Variants in ITCH observed in about 807,000 individuals in gnomAD.
ITCH encodes E3 ubiquitin-protein ligase Itchy homolog.
Under a neutral mutation model 126.8 loss-of-function variants are expected in ITCH, and 28 were observed. That is an observed-to-expected ratio of 0.22 (90% CI 0.16 to 0.30). ITCH has a LOEUF of 0.30. Among genes scored for constraint, ITCH ranks in the 10% least tolerant of loss-of-function variants. The pLI is 1.00. For missense variants in ITCH, 631 were observed against 1,032.4 expected (o/e 0.61, Z 5.33); for synonymous variants, 342 against 340.0 (o/e 1.01, Z -0.06).
intron 23 of ITCH, among the ~76,000 whole-genome samples, chr20:34,495,921 T>TAAAAA (rs35357680): frequency 2.0e-5 from 1 of 49,960 alleles, no homozygotes; most frequent in African/African-American, 7.2e-5. Flanking sequence ...CTGAAAATAC[T>TAAAAA]AAAAAAAAAA....
intron 7 of ITCH, among the ~76,000 whole-genome samples, chr20:34,429,381 TAAATA>T (rs1317959218): frequency 2.6e-5 from 4 of 152,282 alleles, no homozygotes; most frequent in South Asian, 4.1e-4. Flanking sequence ...CTTATTAAAA[TAAATA>T]AAATAAACCG....
chr20:34,445,368 A>T lies in ITCH; in HGVS notation c.1047A>T (p.Thr349=). ...GAACAACAACGTGGCAGAGGCCAAC[A>T]CTGGAATCCGTCCGGAACTATGAAC... ...FTRTTTWQRP[T]LESVRNYEQW... is the part of the protein sequence containing the mutation. Residue 349 remains threonine (T), a synonymous_variant, in exon 11 of 25, where the codon ACA becomes ACT. Transcript: ENST00000374864. 6.2e-7 allele frequency: 1 copy of T among 1,613,926 alleles called. No individual in the cohort carries two copies. Among genetic ancestry groups the T allele is most frequent in the Non-Finnish European group, 8.5e-7 (1 of 1,180,032 alleles).
intron 1 of ITCH, among the ~76,000 whole-genome samples, chr20:34,364,234 A>G (rs2037320419): frequency 6.6e-6 from 1 of 152,112 alleles, no homozygotes; most frequent in South Asian, 2.1e-4. Flanking sequence ...TATCCCCAAT[A>G]ACAACGCAAC....
chr20:34,452,620 C>T (rs1348476996), intron 12 of ITCH, among the ~76,000 whole-genome samples: 4 of 152,194 alleles, frequency 2.6e-5, no homozygotes, highest in Admixed American at 2.0e-4. Context: ...TGCACCCTTT[C>T]AGACTTTTAT....
At chr20:34,392,684 A>G (rs1006797636) in intron 2 of ITCH, among the ~76,000 whole-genome samples, 3 of 152,162 alleles carry the variant, frequency 2.0e-5, no homozygotes, top group Non-Finnish European at 4.4e-5. Flanking sequence ...TGCCAAGTAC[A>G]TTTAGTTTGA....
In ITCH at chr20:34,507,716, A is replaced by C. The variant is rs145318917; in HGVS notation, c.2511A>C (p.Pro837=). The part of the protein sequence containing the change: ...SHTCFNRLDL[P]PYKSYEQLKE... Reference sequence around the variant, plus strand: ...TTAGTTTTAATCGCCTGGACCTGCCACCATACAAGAGCTATGAGCAACTGA... The same window carrying C: ...TTAGTTTTAATCGCCTGGACCTGCCCCCATACAAGAGCTATGAGCAACTGA... The change falls in exon 25 of 25, where the codon CCA becomes CCC. Residue 837 remains proline, a synonymous_variant. Coordinates refer to ENST00000374864, the MANE Select transcript of ITCH (RefSeq NM_031483.7). 4 of 1,613,712 alleles carry C rather than the reference A, an allele frequency of 2.5e-6. No individual in the cohort carries two copies. The highest frequency in any genetic ancestry group is 2.5e-6 in the Non-Finnish European group (3 of 1,179,810).
chr20:34,388,709 A>T (rs2146053585), intron 2 of ITCH, among the ~76,000 whole-genome samples: 1 of 152,356 alleles, frequency 6.6e-6, no homozygotes, highest in East Asian at 1.9e-4. Context: ...AAGGCTTAAA[A>T]GTATGTATTA....
At chr20:34,455,111 G>A (rs575528869) in intron 12 of ITCH, among the ~76,000 whole-genome samples, 29 of 152,190 alleles carry the variant, frequency 1.9e-4, no homozygotes, top group African/African-American at 6.5e-4. Flanking sequence ...GATTACAGGC[G>A]TGAGCCACAG....
At chr20:34,451,658 TTTTATTTCTAGAGTTTCCCAGC>T in intron 12 of ITCH, among the ~76,000 whole-genome samples, 1 of 152,136 alleles carries the variant, frequency 6.6e-6, no homozygotes, top group Non-Finnish European at 1.5e-5. Context: ...ACATGGATGG[TTTTATTTCTAGAGTTTCCCAGC>T]TTTATTTCTA....
intron 2 of ITCH, among the ~76,000 whole-genome samples, chr20:34,387,161 C>A (rs2038312981): frequency 6.6e-6 from 1 of 151,688 alleles, no homozygotes; most frequent in Admixed American, 6.6e-5. Flanking sequence ...AAAAAATTAG[C>A]CAGATGTCAT....
At position 34,440,222 on chromosome 20, in the gene ITCH, G is replaced by A. The variant is rs768576816; in HGVS notation, c.747G>A (p.Pro249=). Residue 249 remains proline (P), a synonymous_variant, in exon 9 of 25, where the codon CCG becomes CCA. Transcript: ENST00000374864. ...SDGSSTGSLP[P]TNTNTNTSEG... ...GGTCTAGTACAGGCTCTCTGCCGCC[G>A]ACAAATACAAATACAAATACATCTG... The A allele has an allele frequency of 7.4e-6, 12 of 1,613,426 alleles. No individual in the cohort carries two copies. Among genetic ancestry groups the A allele is most frequent in the East Asian group, 6.7e-5 (3 of 44,890 alleles).
chr20:34,386,048 C>T (rs1045050442), intron 2 of ITCH, among the ~76,000 whole-genome samples: 2 of 151,862 alleles, frequency 1.3e-5, no homozygotes, highest in African/African-American at 4.8e-5. Context: ...ACTTTTATTC[C>T]TTCTACCAAT....
chr20:34,487,807 C>T (rs1013614322), intron 20 of ITCH, among the ~76,000 whole-genome samples: 6 of 152,154 alleles, frequency 3.9e-5, no homozygotes, highest in African/African-American at 9.7e-5. Context: ...GGCATGGTGG[C>T]AGGCACCTGT....
chr20:34,424,927 G>T (rs1430116752), intron 7 of ITCH, among the ~76,000 whole-genome samples: 1 of 152,190 alleles, frequency 6.6e-6, no homozygotes, highest in African/African-American at 2.4e-5. Flanking sequence ...GCAGAGCTTT[G>T]TACCAGCTGT....
chr20:34,390,845 G>A (rs557550501), intron 2 of ITCH, among the ~76,000 whole-genome samples: 3 of 151,816 alleles, frequency 2.0e-5, no homozygotes, highest in African/African-American at 4.8e-5. Flanking sequence ...ACTGCCTCCC[G>A]GGTTCAAGCG....
intron 6 of ITCH, among the ~76,000 whole-genome samples, chr20:34,416,437 A>T (rs547804480): frequency 6.6e-6 from 1 of 152,040 alleles, no homozygotes; most frequent in African/African-American, 2.4e-5. Context: ...AATATACTAC[A>T]ATAAAAGTTT....
chr20:34,439,016 C>T (rs965819919), intron 8 of ITCH, among the ~76,000 whole-genome samples: 1 of 152,140 alleles, frequency 6.6e-6, no homozygotes, highest in Non-Finnish European at 1.5e-5. Flanking sequence ...GAAAACCCAA[C>T]AATGCTAAAT....
rs368353835 is a variant in ITCH, at chr20:34,440,218, C to G, written c.743C>G (p.Pro248Arg). Residue 248 changes from proline (P) to arginine (R), a missense_variant, in exon 9 of 25, where the codon CCG becomes CGG. Transcript: ENST00000374864. ...ESDGSSTGSL[P>R]PTNTNTNTSE... The stretch of plus-strand genomic sequence containing the variant: ...GATGGGTCTAGTACAGGCTCTCTGC[C>G]GCCGACAAATACAAATACAAATACA... 1 of 1,613,514 alleles carries G rather than the reference C, an allele frequency of 6.2e-7. No homozygotes were observed.
At chr20:34,392,190 T>C (rs2038514216) in intron 2 of ITCH, among the ~76,000 whole-genome samples, 2 of 152,216 alleles carry the variant, frequency 1.3e-5, no homozygotes, top group African/African-American at 4.8e-5. Flanking sequence ...AATAATATCT[T>C]GTGCAATATG....
Sources: allele counts gnomAD v4.1 joint callset (sites outside exome capture counted in the v4.1 genomes callset), GRCh38; gene constraint gnomAD v4.1.1; transcripts MANE v1.5; gene names NCBI Gene and HGNC (gene_info 2026-07-23, HGNC 2026-07-21).